RAB3C: variants seen among roughly 807,000 people sequenced by gnomAD.
The protein encoded by RAB3C is RAB3C, member RAS oncogene family, also known as ras-related protein Rab-3C.
Under a neutral mutation model 26.4 loss-of-function variants are expected in RAB3C, and 17 were observed. The ratio of observed to expected loss-of-function variants is 0.64; its 90% CI spans 0.44 to 0.97. RAB3C has a LOEUF of 0.97. RAB3C is among the 50% of genes least tolerant of loss of function. The pLI is 0.00. For synonymous variants in RAB3C, 91 were observed against 95.9 expected, an observed-to-expected ratio of 0.95 and a Z score of 0.30; for missense variants, 242 against 281.9, an observed-to-expected ratio of 0.86 and a Z score of 1.01.
chr5:58,797,358 GTATATATATAATATATATA>G (rs1230109374), intron 3 of RAB3C, among the ~76,000 whole-genome samples: 3 of 26,288 alleles, frequency 1.1e-4, no homozygotes, highest in African/African-American at 6.6e-4. Context: ...AAAAAAATAT[GTATATATATAATATATATA>G]TATATATATA....
In RAB3C at chr5:58,820,349, T is replaced by C. The variant is rs577416752; in HGVS notation, c.372-4689T>C. The stretch of plus-strand genomic sequence containing the variant: ...TTTTGATCCTATCATTTATATTAGG[T>C]TTTATGATAGGTGGTAATTCACAAA... On this transcript the variant is annotated intron_variant, in intron 3 of 4. Coordinates refer to ENST00000282878, the MANE Select transcript of RAB3C (RefSeq NM_138453.4). 5.9e-5 allele frequency among the ~76,000 whole-genome samples: 9 copies of C among 152,296 alleles called. No homozygotes were observed. In the South Asian group the frequency reaches 1.9e-3, roughly 32 times the overall value.
At chr5:58,675,647 G>T (rs1748210790) in intron 2 of RAB3C, among the ~76,000 whole-genome samples, 1 of 126,892 alleles carries the variant, frequency 7.9e-6, no homozygotes, top group African/African-American at 3.1e-5. Flanking sequence ...TGGCTTTTCA[G>T]CAAATGACTG....
chr5:58,601,749 A>G lies in RAB3C; in HGVS notation c.25-15894A>G, dbSNP rs147584004. 5.2e-3 allele frequency among the ~76,000 whole-genome samples: 792 copies of G among 152,084 alleles called. 2 individuals are homozygous for G. The highest frequency in any genetic ancestry group is 9.0e-3 in the Non-Finnish European group (609 of 67,936). ...ATTTTCTCTCTTTTTTTCTTGGTTAATCTTGCTAATGGTCTATCAATTTTA... is the reference window on the plus strand; with the variant it reads ...ATTTTCTCTCTTTTTTTCTTGGTTAGTCTTGCTAATGGTCTATCAATTTTA... On this transcript the variant is annotated intron_variant, in intron 1 of 4. Transcript: ENST00000282878.
intron 2 of RAB3C, among the ~76,000 whole-genome samples, chr5:58,637,128 A>G (rs1747307930): frequency 7.8e-6 from 1 of 127,950 alleles, no homozygotes; most frequent in Admixed American, 7.9e-5. Flanking sequence ...TTCAGTTTGA[A>G]TGGTTTAATA....
At chr5:58,641,654 CCTT>C (rs1019006533) in intron 2 of RAB3C, among the ~76,000 whole-genome samples, 4 of 152,282 alleles carry the variant, frequency 2.6e-5, no homozygotes, top group South Asian at 4.1e-4. Context: ...AGCAAACAAA[CCTT>C]CTGCAGGAGT....
intron 4 of RAB3C, among the ~76,000 whole-genome samples, chr5:58,849,093 C>T (rs144852729): frequency 5.3e-5 from 8 of 152,266 alleles, no homozygotes; most frequent in African/African-American, 1.9e-4. Context: ...GTAAAGGAGT[C>T]ACATTTGATA....
chr5:58,740,377 C>G (rs1010869444), intron 3 of RAB3C, among the ~76,000 whole-genome samples: 2 of 152,196 alleles, frequency 1.3e-5, no homozygotes, highest in Admixed American at 1.3e-4. Flanking sequence ...TGGGCTCTTA[C>G]GTCTTCAAAG....
At chr5:58,608,514 C>T (rs550537356) in intron 1 of RAB3C, among the ~76,000 whole-genome samples, 13 of 152,034 alleles carry the variant, frequency 8.6e-5, no homozygotes, top group Admixed American at 2.6e-4. Flanking sequence ...GTTAGAATGG[C>T]GATCATTAAA....
chr5:58,695,391 G>A (rs1021796619), intron 2 of RAB3C, among the ~76,000 whole-genome samples: 33 of 152,278 alleles, frequency 2.2e-4, no homozygotes, highest in African/African-American at 7.2e-4. Flanking sequence ...GCTTAGGATT[G>A]TTTTGGCAAT....
At chr5:58,718,960 C>T (rs950311451) in intron 2 of RAB3C, among the ~76,000 whole-genome samples, 4 of 151,966 alleles carry the variant, frequency 2.6e-5, no homozygotes, top group African/African-American at 9.7e-5. Context: ...AAATTCAATA[C>T]TGTTTTGTGC....
rs1318038957 is a variant in RAB3C at position 58,797,361 on chromosome 5, TATATATA to T, written c.372-27669_372-27663del. ...AGACAAAAAAAAAAAAAAATATGTA[TATATATA>T]ATATATATATATATATATATATATA... On this transcript the variant is annotated intron_variant, in intron 3 of 4. Coordinates refer to ENST00000282878, the MANE Select transcript of RAB3C (RefSeq NM_138453.4). Among the ~76,000 whole-genome samples the T allele has an allele frequency of 1.7e-3, 31 of 17,874 alleles. 1 individual carries two copies. Among genetic ancestry groups the T allele is most frequent in the African/African-American group, 0.011 (18 of 1,638 alleles). 11.7% of individuals were successfully genotyped at this position (17,874 alleles called of 152,430 possible). A position where few individuals can be genotyped will look rare whatever the true frequency, so the allele number is the denominator to read the frequency against.
intron 4 of RAB3C, among the ~76,000 whole-genome samples, chr5:58,828,900 G>A (rs1878197): frequency 0.58 from 79,338 of 137,816 alleles, 23,246 homozygotes; most frequent in Middle Eastern, 0.74. Context: ...ATTTTACCAT[G>A]CTTTTTTTTT....
At chr5:58,837,479 G>T (rs1420610389) in intron 4 of RAB3C, among the ~76,000 whole-genome samples, 1 of 150,580 alleles carries the variant, frequency 6.6e-6, no homozygotes, top group African/African-American at 2.4e-5. Flanking sequence ...ACCGTGCCCA[G>T]CCATTTTTAT....
At chr5:58,608,950 A>C (rs1026326980) in intron 1 of RAB3C, among the ~76,000 whole-genome samples, 5 of 152,196 alleles carry the variant, frequency 3.3e-5, no homozygotes, top group African/African-American at 1.2e-4. Context: ...ACAGAAAACC[A>C]AACACAGCAT....
intron 2 of RAB3C, among the ~76,000 whole-genome samples, chr5:58,696,844 C>A (rs1175607954): frequency 6.6e-6 from 1 of 151,954 alleles, no homozygotes; most frequent in Non-Finnish European, 1.5e-5. Flanking sequence ...AGCAGTCTAC[C>A]AATTTTGTTG....
At chr5:58,625,610 G>A (rs1747034341) in intron 2 of RAB3C, among the ~76,000 whole-genome samples, 1 of 152,100 alleles carries the variant, frequency 6.6e-6, no homozygotes, top group Non-Finnish European at 1.5e-5. Flanking sequence ...TGTAATCCCA[G>A]CACTTTGGGA....
chr5:58,735,306 G>A (rs1015494968), intron 3 of RAB3C, among the ~76,000 whole-genome samples: 3 of 152,144 alleles, frequency 2.0e-5, no homozygotes, highest in Admixed American at 6.5e-5. Flanking sequence ...CAGATTTCTC[G>A]CTGCTCTGAG....
intron 3 of RAB3C, among the ~76,000 whole-genome samples, chr5:58,745,011 T>C (rs4296764): frequency 0.28 from 42,017 of 151,922 alleles, 6,904 homozygotes; most frequent in African/African-American, 0.46. Context: ...TATCTCTCAG[T>C]CCTTGCCTTT....
chr5:58,814,482 C>CT (rs879752510), intron 3 of RAB3C, among the ~76,000 whole-genome samples: 8 of 152,204 alleles, frequency 5.3e-5, no homozygotes, highest in Non-Finnish European at 1.2e-4. Flanking sequence ...TTCAACAAGC[C>CT]TGATTGCCTT....
Sources: allele counts gnomAD v4.1 joint callset (sites outside exome capture counted in the v4.1 genomes callset), GRCh38; gene constraint gnomAD v4.1.1; transcripts MANE v1.5; gene names NCBI Gene and HGNC (gene_info 2026-07-23, HGNC 2026-07-21).